Variants in BOC observed in about 807,000 individuals in gnomAD.
BOC encodes the protein BOC cell adhesion associated, oncogene regulated.
A neutral mutation model predicts 112.0 loss-of-function variants in BOC; 76 were observed. The observed-to-expected ratio is 0.68, with a 90% CI of 0.56 to 0.82. The LOEUF is 0.82. Ranked by LOEUF, BOC falls within the 40% of genes least tolerant of loss-of-function variation. BOC has a pLI of 0.00. For missense variants in BOC, 1,309 were observed against 1,511.7 expected (o/e 0.87, Z 2.22); for synonymous variants, 580 against 599.8 (o/e 0.97, Z 0.48).
At chr3:113,218,119 T>C (rs1034942806) in intron 2 of BOC, among the ~76,000 whole-genome samples, 3 of 152,206 alleles carry the variant, frequency 2.0e-5, no homozygotes, top group East Asian at 1.9e-4. Context: ...AAGAGGAAGA[T>C]AGCACACAGG....
At chr3:113,273,494 A>G (rs1948359039) in intron 8 of BOC, among the ~76,000 whole-genome samples, 153 bp downstream of exon 8, 1 of 152,252 alleles carries the variant, frequency 6.6e-6, no homozygotes, top group Non-Finnish European at 1.5e-5. Flanking sequence ...AATCTGAAGT[A>G]CAGATTTTCA....
At chr3:113,226,169 A>G (rs1941628967) in intron 2 of BOC, among the ~76,000 whole-genome samples, 1 of 152,236 alleles carries the variant, frequency 6.6e-6, no homozygotes, top group South Asian at 2.1e-4. Flanking sequence ...CAGAAAGGCT[A>G]ATTTATAAAT....
In BOC at chr3:113,277,426, G is replaced by T. The variant is rs949712617; in HGVS notation, c.1543-669G>T. Reference sequence around the variant, plus strand: ...TTGGATCCCAGACTCTTCTTCCCAGGATAGGGTGCAATGATGGGCATGCTC... The same window carrying T: ...TTGGATCCCAGACTCTTCTTCCCAGTATAGGGTGCAATGATGGGCATGCTC... On this transcript the variant is annotated intron_variant, in intron 9 of 19. Coordinates refer to ENST00000682979, the MANE Select transcript of BOC (RefSeq NM_001378074.1). Among the ~76,000 whole-genome samples the T allele has an allele frequency of 2.0e-5, 3 of 152,226 alleles. No homozygotes were observed. The East Asian group carries it at 5.8e-4, about 29-fold the overall frequency.
At chr3:113,248,134 T>G (rs1224170899) in intron 2 of BOC, among the ~76,000 whole-genome samples, 1 of 152,096 alleles carries the variant, frequency 6.6e-6, no homozygotes, top group African/African-American at 2.4e-5. Flanking sequence ...TTTGGAGGGG[T>G]GCTCATTGGG....
At position 113,258,539 on chromosome 3, in the gene BOC, C is replaced by T. The variant is rs564730724; in HGVS notation, c.376+7706C>T. 2.6e-5 allele frequency among the ~76,000 whole-genome samples: 4 copies of T among 152,368 alleles called. No individual in the cohort carries two copies. The South Asian group carries it at 8.3e-4, about 32-fold the overall frequency. ...GACTCCCTGACAAAACAGGAGGAGC[C>T]ATTCGCTCCAAATTGGAAAAACATT... On this transcript the variant is annotated intron_variant, in intron 4 of 19. Coordinates refer to ENST00000682979, the MANE Select transcript of BOC (RefSeq NM_001378074.1).
chr3:113,281,417 T>G lies in BOC; in HGVS notation c.2434+264T>G, dbSNP rs543336635. ...TAGACCTCATTCTTAAGTTGGGAAC[T>G]TCCTATAAATACTTTATTCCTGCAA... On this transcript the variant is annotated intron_variant, in intron 15 of 19. Transcript: ENST00000682979. 8.5e-5 allele frequency among the ~76,000 whole-genome samples: 13 copies of G among 152,364 alleles called. No homozygotes were observed. The South Asian group carries it at 2.7e-3, about 32-fold the overall frequency.
rs1260015571 is a variant in BOC, at chr3:113,285,766, C to T, written c.3160+201C>T. Among the ~76,000 whole-genome samples the T allele has an allele frequency of 2.0e-5, 3 of 152,300 alleles. No homozygotes were observed. The East Asian group carries it at 5.8e-4, about 29-fold the overall frequency. ...AGGCCCAGTAGGTCTGTGGGATGTC[C>T]AAGTGGGTTCTACTGCAACATGATA... On this transcript the variant is annotated intron_variant, in intron 19 of 19. Coordinates refer to ENST00000682979, the MANE Select transcript of BOC (RefSeq NM_001378074.1).
intron 4 of BOC, among the ~76,000 whole-genome samples, chr3:113,267,785 T>C (rs1359684656): frequency 6.6e-6 from 1 of 152,184 alleles, no homozygotes; most frequent in African/African-American, 2.4e-5. Context: ...CAGCGTGCAG[T>C]GGCGCGATCT....
chr3:113,279,271 C>T lies in BOC; in HGVS notation c.1839C>T (p.Pro613=), dbSNP rs773794122. 9 of 1,613,910 alleles carry T rather than the reference C, an allele frequency of 5.6e-6. No individual in the cohort carries two copies. The African/African-American group carries it at 9.3e-5, about 17-fold the overall frequency. The change falls in exon 12 of 20, where the codon CCC becomes CCT. Residue 613 remains proline, a synonymous_variant. Transcript: ENST00000682979. ...RLSPPEAPDR[P]TISTASETSV... is the part of the protein sequence containing the mutation. The stretch of plus-strand genomic sequence containing the variant: ...CAGCCCCAGAAGCTCCCGACAGGCC[C>T]ACCATCTCCACGGCCTCCGAGACCT...
chr3:113,236,820 T>G (rs1289470498), intron 2 of BOC, among the ~76,000 whole-genome samples: 1 of 152,204 alleles, frequency 6.6e-6, no homozygotes, highest in Non-Finnish European at 1.5e-5. Context: ...TGAATGGCTT[T>G]TGGAAGAAAA....
At position 113,236,481 on chromosome 3, in the gene BOC, A is replaced by T. The variant is rs534445438; in HGVS notation, c.-81-13241A>T. 3.7e-3 allele frequency among the ~76,000 whole-genome samples: 526 copies of T among 142,536 alleles called. 1 individual carries two copies. The highest frequency in any genetic ancestry group is 0.012 in the African/African-American group (479 of 39,170). 93.5% of individuals were successfully genotyped at this position (142,536 alleles called of 152,430 possible). ...CTAAATAATGTGTACACATAGACAT[A>T]AAGTATGGAATGATAGACATTGGAC... is the stretch of plus-strand genomic sequence containing the variant. On this transcript the variant is annotated intron_variant, in intron 2 of 19. Transcript: ENST00000682979.
chr3:113,279,434 G>C lies in BOC; in HGVS notation c.2002G>C (p.Glu668Gln). 6.2e-7 allele frequency: 1 copy of C among 1,613,642 alleles called. No homozygotes were observed. Residue 668 changes from glutamate to glutamine, a missense_variant, in exon 12 of 20, where the codon GAG (glutamate) becomes CAG (glutamine). Physicochemically the swap from Glu to Gln is conservative, Grantham distance 29. Coordinates refer to ENST00000682979, the MANE Select transcript of BOC (RefSeq NM_001378074.1). ...CATCCCCCCATCGCGGCTGTCCGTG[G>C]AGATCACGGGCCTAGAGAAAGGTAG... ...SAIPPSRLSV[E>Q]ITGLEKGTSY...
chr3:113,282,233 G>A (rs1949265698), intron 15 of BOC, among the ~76,000 whole-genome samples: 1 of 152,164 alleles, frequency 6.6e-6, no homozygotes, highest in African/African-American at 2.4e-5. Flanking sequence ...GGCTGTCAGT[G>A]GATTTGTCTG....
chr3:113,238,521 T>C (rs1209177872), intron 2 of BOC, among the ~76,000 whole-genome samples: 3 of 152,254 alleles, frequency 2.0e-5, no homozygotes, highest in Non-Finnish European at 2.9e-5. Context: ...GTTACTTTTC[T>C]CATCTTTTAA....
At position 113,281,154 on chromosome 3, in the gene BOC, G is replaced by C. The variant is rs111657089; in HGVS notation, c.2434+1G>C. 1 of 1,614,058 alleles carries C rather than the reference G, an allele frequency of 6.2e-7. No homozygotes were observed. On this transcript the variant is annotated splice_donor_variant, in intron 15 of 19. Transcript: ENST00000682979. LOFTEE classifies it high-confidence loss of function. Reference sequence around the variant, plus strand: ...AACGTGATGATCTGTGAGACCAAAGGTGAAGCTCTTTGGGTTCTCTCTCCT... The same window carrying C: ...AACGTGATGATCTGTGAGACCAAAGCTGAAGCTCTTTGGGTTCTCTCTCCT...
chr3:113,215,405 C>G (rs1358407792), intron 1 of BOC, among the ~76,000 whole-genome samples: 1 of 152,186 alleles, frequency 6.6e-6, no homozygotes, highest in African/African-American at 2.4e-5. Flanking sequence ...GGAATCTAAG[C>G]TCTGCCTGTG....
intron 2 of BOC, among the ~76,000 whole-genome samples, chr3:113,247,087 C>A (rs1045554793): frequency 1.3e-5 from 2 of 152,120 alleles, no homozygotes; most frequent in Non-Finnish European, 1.5e-5. Context: ...ACAACCCTTC[C>A]ATTCCTCTTT....
At chr3:113,233,148 G>GGGTGTGTGTGTGTGTGTGT (rs75678874) in intron 2 of BOC, among the ~76,000 whole-genome samples, 2 of 124,030 alleles carry the variant, frequency 1.6e-5, no homozygotes, top group East Asian at 5.1e-4. Context: ...AAAGGATTGG[G>GGGTGTGTGTGTGTGTGTGT]GTGTGTGTGT....
rs747728589 is a variant in BOC, at chr3:113,281,011, TCTCTGA to T, written c.2312-14_2312-9del. 54 of 1,613,184 alleles carry T rather than the reference TCTCTGA, an allele frequency of 3.3e-5. No individual in the cohort carries two copies. Among genetic ancestry groups the T allele is most frequent in the Non-Finnish European group, 4.4e-5 (52 of 1,179,926 alleles). ...CCATATACACATTGCCATGCACCATTCTCTGACTCTGTTTCCCAGGGGACAAGTACT... is the reference window on the plus strand; with the variant it reads ...CCATATACACATTGCCATGCACCATTCTCTGTTTCCCAGGGGACAAGTACT... On this transcript the variant is annotated splice_polypyrimidine_tract_variant and intron_variant, in intron 14 of 19. Transcript: ENST00000682979.
Sources: allele counts gnomAD v4.1 joint callset (sites outside exome capture counted in the v4.1 genomes callset), GRCh38; gene constraint gnomAD v4.1.1; transcripts MANE v1.5; gene names NCBI Gene and HGNC (gene_info 2026-07-23, HGNC 2026-07-21).